The following PTPRK variants were observed in gnomAD, a reference collection of about 807,000 sequenced individuals.
PTPRK encodes protein tyrosine phosphatase receptor type K.
A neutral mutation model predicts 178.0 loss-of-function variants in PTPRK; 75 were observed. The ratio of observed to expected loss-of-function variants is 0.42; its 90% CI spans 0.35 to 0.51. PTPRK has a LOEUF of 0.51. Among genes scored for constraint, PTPRK ranks in the 20% least tolerant of loss-of-function variants. The probability of loss-of-function intolerance (pLI) is 0.02; values close to 1 mark genes in which losing one functional copy is unlikely to be tolerated. For missense variants in PTPRK, 1,441 were observed against 1,797.8 expected (o/e 0.80, Z 3.59); for synonymous variants, 637 against 620.6 (o/e 1.03, Z -0.39).
intron 3 of PTPRK, among the ~76,000 whole-genome samples, chr6:128,244,375 T>A (rs141141769): frequency 6.6e-5 from 10 of 152,194 alleles, no homozygotes; most frequent in South Asian, 2.1e-4. Context: ...GTGAGTAAGA[T>A]GGCATAAGAA....
intron 2 of PTPRK, among the ~76,000 whole-genome samples, chr6:128,383,798 CTTTAACATTGT>C (rs2128358506): frequency 6.6e-6 from 1 of 152,256 alleles, no homozygotes; most frequent in Non-Finnish European, 1.5e-5. Flanking sequence ...AATAGCATAT[CTTTAACATTGT>C]TTTAACTATC....
chr6:128,365,363 A>G (rs189116701), intron 2 of PTPRK, among the ~76,000 whole-genome samples: 4 of 152,198 alleles, frequency 2.6e-5, no homozygotes, highest in Admixed American at 2.6e-4. Flanking sequence ...AGTGCCTGAA[A>G]TGTCATTTGA....
chr6:128,433,566 T>C (rs1845118297), intron 1 of PTPRK, among the ~76,000 whole-genome samples: 1 of 152,110 alleles, frequency 6.6e-6, no homozygotes, highest in Non-Finnish European at 1.5e-5. Context: ...TATACTGCAG[T>C]GGCTCAATCT....
intron 6 of PTPRK, among the ~76,000 whole-genome samples, chr6:128,212,782 C>A (rs1295157107): frequency 2.0e-5 from 3 of 151,862 alleles, no homozygotes; most frequent in Non-Finnish European, 4.4e-5. Flanking sequence ...AACTGAGAAA[C>A]CTTTAGGGAA....
At chr6:128,480,219 A>T (rs578055630) in intron 1 of PTPRK, among the ~76,000 whole-genome samples, 2 of 152,022 alleles carry the variant, frequency 1.3e-5, no homozygotes, top group Admixed American at 6.6e-5. Context: ...ACCAGGCTTG[A>T]CCTCTCTCAT....
At chr6:128,271,473 G>A (rs1583820387) in intron 3 of PTPRK, among the ~76,000 whole-genome samples, 1 of 152,144 alleles carries the variant, frequency 6.6e-6, no homozygotes, top group South Asian at 2.1e-4. Context: ...TATAAGAGCT[G>A]TAGCTGGAAA....
At chr6:128,464,645 A>ATATC (rs1554271883) in intron 1 of PTPRK, among the ~76,000 whole-genome samples, 5 of 86,990 alleles carry the variant, frequency 5.7e-5, no homozygotes, top group African/African-American at 2.8e-4. Context: ...ACACATATAT[A>ATATC]TATATATATA....
chr6:128,214,879 T>G (rs1387102910), intron 6 of PTPRK, among the ~76,000 whole-genome samples: 1 of 152,140 alleles, frequency 6.6e-6, no homozygotes, highest in Non-Finnish European at 1.5e-5. Context: ...ACACCAACTC[T>G]GAATAAGGTT....
At chr6:128,352,384 T>C (rs144123797) in intron 2 of PTPRK, among the ~76,000 whole-genome samples, 27 of 137,634 alleles carry the variant, frequency 2.0e-4, no homozygotes, top group African/African-American at 7.0e-4. Context: ...TGCACTATCC[T>C]ATAATTTATT....
chr6:128,310,414 C>A (rs1281381954), intron 3 of PTPRK, among the ~76,000 whole-genome samples: 1 of 152,050 alleles, frequency 6.6e-6, no homozygotes, highest in Non-Finnish European at 1.5e-5. Context: ...CGTTGCCTTC[C>A]GTATCCTTTG....
chr6:127,996,446 C>T (rs367789527), intron 17 of PTPRK, among the ~76,000 whole-genome samples: 60 of 152,140 alleles, frequency 3.9e-4, no homozygotes, highest in African/African-American at 1.4e-3. Context: ...TTCAGAATCA[C>T]TGCTAATAGC....
intron 1 of PTPRK, among the ~76,000 whole-genome samples, chr6:128,421,871 G>C (rs1584638857): frequency 6.6e-6 from 1 of 152,148 alleles, no homozygotes; most frequent in East Asian, 1.9e-4. Flanking sequence ...TTAATGTTTT[G>C]GTTTGGCTTA....
At chr6:128,005,931 T>C (rs1778363097) in intron 14 of PTPRK, 2 of 980,076 alleles carry the variant, frequency 2.0e-6, no homozygotes, top group East Asian at 3.1e-5. Context: ...TTTTTTGAAA[T>C]GTCACCAAAA....
At chr6:128,306,444 G>C (rs1826387163) in intron 3 of PTPRK, among the ~76,000 whole-genome samples, 1 of 152,148 alleles carries the variant, frequency 6.6e-6, no homozygotes, top group Non-Finnish European at 1.5e-5. Flanking sequence ...GAAACAGAGA[G>C]AGCCTTAGGG....
At chr6:128,023,076 T>A (rs1773774170) in intron 13 of PTPRK, among the ~76,000 whole-genome samples, 1 of 152,148 alleles carries the variant, frequency 6.6e-6, no homozygotes, top group South Asian at 2.1e-4. Context: ...AACTCAGCAG[T>A]GGAGCTGGAG....
At chr6:128,041,681 A>T (rs1777185898) in intron 13 of PTPRK, among the ~76,000 whole-genome samples, 1 of 151,938 alleles carries the variant, frequency 6.6e-6, no homozygotes, top group Non-Finnish European at 1.5e-5. Context: ...CTTCATAATC[A>T]AAGTGAAGTT....
rs978979253 is a variant in PTPRK at position 128,210,988 on chromosome 6, T to C, written c.868+7934A>G. Among the ~76,000 whole-genome samples the C allele has an allele frequency of 2.6e-5, 4 of 152,102 alleles. No homozygotes were observed. The East Asian group carries it at 7.7e-4, about 29-fold the overall frequency. On this transcript the variant is annotated intron_variant, in intron 6 of 29. Transcript: ENST00000368226. Reference sequence around the variant, plus strand: ...AAAACAACAAAATATTTTCTCAGTTTAGGGCTCAGAAAACAGAAACTGGAG... The same window carrying C: ...AAAACAACAAAATATTTTCTCAGTTCAGGGCTCAGAAAACAGAAACTGGAG...
At chr6:128,229,773 A>C (rs757240349) in intron 5 of PTPRK, among the ~76,000 whole-genome samples, 11 of 152,356 alleles carry the variant, frequency 7.2e-5, no homozygotes, top group Middle Eastern at 3.4e-3. Flanking sequence ...CCATGAGTGT[A>C]TAATGATATT....
At chr6:128,259,765 G>C (rs944408721) in intron 3 of PTPRK, among the ~76,000 whole-genome samples, 1 of 152,066 alleles carries the variant, frequency 6.6e-6, no homozygotes, top group Non-Finnish European at 1.5e-5. Flanking sequence ...AAAATTCTAA[G>C]TATACTACCT....
Sources: gnomAD v4.1 joint callset for allele counts (sites outside exome capture counted in the v4.1 genomes callset) on GRCh38, gnomAD v4.1.1 for gene constraint, MANE v1.5 for transcripts, NCBI Gene and HGNC (gene_info 2026-07-23, HGNC 2026-07-21) for gene names.